The following PCSK2 variants were observed in gnomAD, a reference collection of about 807,000 sequenced individuals.
The protein encoded by PCSK2 is neuroendocrine convertase 2.
PCSK2 carries 14 observed loss-of-function variants against 69.7 expected under a neutral mutation model. The ratio of observed to expected loss-of-function variants is 0.20; its 90% CI spans 0.13 to 0.31. The LOEUF (loss-of-function observed/expected upper bound fraction) is 0.31. Among genes scored for constraint, PCSK2 ranks in the 10% least tolerant of loss-of-function variants. The probability of loss-of-function intolerance (pLI) is 1.00; values close to 1 mark genes in which losing one functional copy is unlikely to be tolerated. For synonymous variants in PCSK2, 307 were observed against 320.7 expected, an observed-to-expected ratio of 0.96 and a Z score of 0.46; for missense variants, 544 against 842.5, an observed-to-expected ratio of 0.65 and a Z score of 4.39.
rs145041656 is a variant in PCSK2 at position 17,407,341 on chromosome 20, A to T, written c.544-1922A>T. Among the ~76,000 whole-genome samples the T allele has an allele frequency of 2.0e-3, 303 of 152,188 alleles. 1 individual carries two copies. Among genetic ancestry groups the T allele is most frequent in the Non-Finnish European group, 2.9e-3 (199 of 68,006 alleles). ...GATTTCCACCCACCTCACCTTAGGG[A>T]ATTTTAATTTTTTCTAAAGAGAAAC... On this transcript the variant is annotated intron_variant, in intron 5 of 11. Transcript: ENST00000262545.
intron 8 of PCSK2, among the ~76,000 whole-genome samples, chr20:17,452,220 CTGTT>C (rs1372634810): frequency 6.8e-6 from 1 of 146,234 alleles, no homozygotes; most frequent in Non-Finnish European, 1.5e-5. Flanking sequence ...AAATCTGAGT[CTGTT>C]TGAGAGTGTG....
At chr20:17,308,149 C>A (rs1199892686) in intron 2 of PCSK2, among the ~76,000 whole-genome samples, 1 of 151,478 alleles carries the variant, frequency 6.6e-6, no homozygotes, top group African/African-American at 2.4e-5. Context: ...TTTTAAACAA[C>A]GAGATCTCAC....
At chr20:17,294,796 A>T (rs1988833470) in intron 2 of PCSK2, among the ~76,000 whole-genome samples, 1 of 152,152 alleles carries the variant, frequency 6.6e-6, no homozygotes. Flanking sequence ...TAACAATCTG[A>T]ACACTAAAAC....
At position 17,482,159 on chromosome 20, in the gene PCSK2, AT is replaced by A; in HGVS notation, c.*90del. ...TTTCAGGCAGGCACCTAGCAATTCC[AT>A]CACCCGTACAGGCAATTCCGTCTTC... On this transcript the variant is annotated 3_prime_UTR_variant, in exon 12 of 12. Transcript: ENST00000262545. The A allele has an allele frequency of 2.4e-6, 3 of 1,247,248 alleles. No individual in the cohort carries two copies. The highest frequency in any genetic ancestry group is 3.3e-6 in the Non-Finnish European group (3 of 917,370). The allele number at this position is 1,247,248 out of a possible 1,614,324, so 77.3% of individuals were successfully genotyped here.
chr20:17,414,894 T>C (rs867037216), intron 6 of PCSK2, among the ~76,000 whole-genome samples: 1 of 152,186 alleles, frequency 6.6e-6, no homozygotes. Flanking sequence ...TGCAAATCAG[T>C]AAACGTAATC....
chr20:17,464,270 T>C (rs967286183), intron 10 of PCSK2: 1 of 152,174 alleles, frequency 6.6e-6, no homozygotes, highest in Admixed American at 6.5e-5. Flanking sequence ...ACCTGTGCGA[T>C]AACCTGGCCC....
intron 1 of PCSK2, among the ~76,000 whole-genome samples, chr20:17,250,870 C>T (rs1000961551): frequency 6.6e-6 from 1 of 152,032 alleles, no homozygotes; most frequent in East Asian, 1.9e-4. Flanking sequence ...GAGGTCAAGG[C>T]GGGCAGATCA....
intron 2 of PCSK2, among the ~76,000 whole-genome samples, chr20:17,298,753 C>T (rs1266427016): frequency 2.6e-5 from 4 of 152,010 alleles, no homozygotes; most frequent in Non-Finnish European, 5.9e-5. Flanking sequence ...CCCTAAGCTG[C>T]CAGTATTTGA....
Position 17,456,423 on chromosome 20 carries a change from G to C in PCSK2, c.1177G>C (p.Val393Leu). 1 of 1,607,588 alleles carries C rather than the reference G, an allele frequency of 6.2e-7. No individual in the cohort carries two copies. The highest frequency in any genetic ancestry group is 2.2e-5 in the East Asian group (1 of 44,850). Residue 393 changes from valine (V) to leucine (L), a missense_variant, in exon 10 of 12, where the codon GTG becomes CTG. Val to Leu is a conservative substitution (Grantham distance 32, BLOSUM62 1). Around this residue, in one of 3 missense-constraint regions of PCSK2, gnomAD observed 187 missense variants for 399.8 expected, o/e 0.47. Transcript: ENST00000262545. ...TGCAGCTGCCCCCGAGGCAGCTGGTGTGTTTGCACTGGCTCTGGAGGCTAA... is the reference window on the plus strand; with the variant it reads ...TGCAGCTGCCCCCGAGGCAGCTGGTCTGTTTGCACTGGCTCTGGAGGCTAA... Reference protein sequence around the residue: ...TSAAAPEAAGVFALALEANLG... With the variant: ...TSAAAPEAAGLFALALEANLG...
At chr20:17,350,797 C>T (rs146151068) in intron 2 of PCSK2, among the ~76,000 whole-genome samples, 1,918 of 152,192 alleles carry the variant, frequency 0.013, 14 homozygotes, top group East Asian at 0.035. Flanking sequence ...AATCCCAGCA[C>T]TTTGGGAGGC....
chr20:17,278,143 A>C (rs1250346120), intron 2 of PCSK2, among the ~76,000 whole-genome samples: 1 of 152,220 alleles, frequency 6.6e-6, no homozygotes, highest in South Asian at 2.1e-4. Flanking sequence ...TAGTTCAACC[A>C]TTGTGGAAGT....
At chr20:17,352,412 C>T (rs1202672408) in intron 2 of PCSK2, among the ~76,000 whole-genome samples, 1 of 152,116 alleles carries the variant, frequency 6.6e-6, no homozygotes, top group African/African-American at 2.4e-5. Flanking sequence ...GCAAAAAGAA[C>T]AAAGCTGGAG....
chr20:17,424,492 G>A (rs926792870), intron 6 of PCSK2, among the ~76,000 whole-genome samples: 24 of 151,994 alleles, frequency 1.6e-4, no homozygotes, highest in Middle Eastern at 3.2e-3. Context: ...GGCGCGGAGG[G>A]GGTTGTTTTT....
chr20:17,249,609 T>C (rs1986898484), intron 1 of PCSK2, among the ~76,000 whole-genome samples: 1 of 151,374 alleles, frequency 6.6e-6, no homozygotes, highest in South Asian at 2.1e-4. Context: ...CAAGTGTCCA[T>C]CAACGGATGA....
intron 2 of PCSK2, among the ~76,000 whole-genome samples, chr20:17,308,193 A>AG (rs1374341556): frequency 6.6e-6 from 1 of 152,228 alleles, no homozygotes; most frequent in Non-Finnish European, 1.5e-5. Context: ...AATGGCACCA[A>AG]GGAGATGGTG....
At chr20:17,434,755 A>G (rs946208696) in intron 7 of PCSK2, among the ~76,000 whole-genome samples, 4 of 152,136 alleles carry the variant, frequency 2.6e-5, no homozygotes, top group African/African-American at 9.7e-5. Context: ...TGAGTGGGCC[A>G]TTCAGTCCTG....
intron 1 of PCSK2, among the ~76,000 whole-genome samples, chr20:17,230,244 G>A (rs1238518344): frequency 6.6e-6 from 1 of 151,824 alleles, no homozygotes; most frequent in Non-Finnish European, 1.5e-5. Flanking sequence ...CCGAGGCTCA[G>A]TGTCAGACAC....
chr20:17,308,536 G>T (rs566655898), intron 2 of PCSK2, among the ~76,000 whole-genome samples: 1 of 152,316 alleles, frequency 6.6e-6, no homozygotes, highest in East Asian at 1.9e-4. Context: ...TAGAAATAAA[G>T]CTGGGTGGCT....
chr20:17,273,013 C>T (rs1181864979), intron 2 of PCSK2, among the ~76,000 whole-genome samples: 1 of 152,118 alleles, frequency 6.6e-6, no homozygotes, highest in Non-Finnish European at 1.5e-5. Context: ...GTCCACACAC[C>T]TGCTACTGAT....
Sources: gnomAD v4.1 joint callset for allele counts (sites outside exome capture counted in the v4.1 genomes callset) on GRCh38, gnomAD v4.1.1 for gene constraint, gnomAD v4.1.1 regional missense constraint, MANE v1.5 for transcripts, NCBI Gene and HGNC (gene_info 2026-07-23, HGNC 2026-07-21) for gene names.